RNF175: variants seen among roughly 807,000 people sequenced by gnomAD.
RNF175 encodes ring finger protein 175.
A neutral mutation model predicts 50.0 loss-of-function variants in RNF175; 38 were observed. The ratio of observed to expected loss-of-function variants is 0.76; its 90% CI spans 0.59 to 1.00. The LOEUF (loss-of-function observed/expected upper bound fraction) is 1.00, where lower values mean the gene tolerates loss of function less well. Among genes scored for constraint, RNF175 ranks in the 50% least tolerant of loss-of-function variants. The probability of loss-of-function intolerance (pLI) is 0.00; values close to 1 mark genes in which losing one functional copy is unlikely to be tolerated. For missense variants in RNF175, 388 were observed against 409.6 expected (o/e 0.95, Z 0.46); for synonymous variants, 155 against 146.1 (o/e 1.06, Z -0.44).
intron 3 of RNF175, among the ~76,000 whole-genome samples, chr4:153,742,709 G>A (rs1435788963): frequency 6.6e-6 from 1 of 151,988 alleles, no homozygotes; most frequent in Non-Finnish European, 1.5e-5. Flanking sequence ...ATTTCACAAA[G>A]GGGATAAAAA....
At chr4:153,718,230 G>GTTTTTTTTTTTTTTTTTTTT (rs1272804247) in intron 6 of RNF175, among the ~76,000 whole-genome samples, 4 of 31,864 alleles carry the variant, frequency 1.3e-4, no homozygotes, top group African/African-American at 3.3e-4. Context: ...TTGTTTGTTT[G>GTTTTTTTTTTTTTTTTTTTT]TTTGTTTGTT....
chr4:153,722,971 C>A (rs1447046478), intron 5 of RNF175, among the ~76,000 whole-genome samples: 1 of 152,048 alleles, frequency 6.6e-6, no homozygotes, highest in Non-Finnish European at 1.5e-5. Flanking sequence ...TACTGGACAA[C>A]ATAATTCTAG....
chr4:153,758,613 G>A (rs2127173581), intron 1 of RNF175, among the ~76,000 whole-genome samples: 1 of 152,232 alleles, frequency 6.6e-6, no homozygotes, highest in African/African-American at 2.4e-5. Flanking sequence ...GAAAGTCATG[G>A]AGTTTCATTT....
At position 153,712,470 on chromosome 4, in the gene RNF175, G is replaced by A. The variant is rs750117694; in HGVS notation, c.866+5C>T. ...CTCTTATAACCTTTTTGTTTTAAAG[G>A]ATATGGATTACTGATCATCCTCTTC... On this transcript the variant is annotated splice_donor_5th_base_variant and intron_variant, in intron 8 of 8. Transcript: ENST00000347063. 22 of 1,510,076 alleles carry A rather than the reference G, an allele frequency of 1.5e-5. No individual in the cohort carries two copies. The highest frequency in any genetic ancestry group is 1.4e-4 in the Admixed American group (8 of 59,124). 93.5% of individuals were successfully genotyped at this position (1,510,076 alleles called of 1,614,324 possible).
At chr4:153,749,297 G>C (rs1334956421) in intron 2 of RNF175, among the ~76,000 whole-genome samples, 1 of 152,176 alleles carries the variant, frequency 6.6e-6, no homozygotes, top group African/African-American at 2.4e-5. Flanking sequence ...GTCTATATAA[G>C]GAATAATTAT....
At chr4:153,748,867 A>G (rs2127157735) in intron 2 of RNF175, 81 bp from the exon 3 acceptor site, 1 of 1,360,002 alleles carries the variant, frequency 7.4e-7, no homozygotes, top group African/African-American at 1.5e-5. Flanking sequence ...CAAAAAACAA[A>G]AAAACAAAAA....
At chr4:153,719,807 C>T (rs1018950165) in intron 6 of RNF175, among the ~76,000 whole-genome samples, 7 of 152,116 alleles carry the variant, frequency 4.6e-5, no homozygotes, top group African/African-American at 1.7e-4. Flanking sequence ...TTTTTATTTG[C>T]ATTAGGCAGG....
chr4:153,737,127 G>A (rs1739395255), intron 3 of RNF175, among the ~76,000 whole-genome samples: 1 of 152,092 alleles, frequency 6.6e-6, no homozygotes, highest in South Asian at 2.1e-4. Flanking sequence ...CCAAGTGCTG[G>A]GATGACAGGT....
chr4:153,750,029 G>A (rs1157971559), intron 2 of RNF175, among the ~76,000 whole-genome samples: 1 of 152,122 alleles, frequency 6.6e-6, no homozygotes, highest in Non-Finnish European at 1.5e-5. Flanking sequence ...TGATTTTAAG[G>A]GGCAGCCAAG....
chr4:153,748,433 C>T, intron 3 of RNF175: 1 of 447,810 alleles, frequency 2.2e-6, no homozygotes, highest in Non-Finnish European at 3.9e-6. Context: ...CTCCCCTCCC[C>T]CTTTTCACCC....
chr4:153,750,464 T>C (rs991846214), intron 2 of RNF175, among the ~76,000 whole-genome samples: 2 of 152,180 alleles, frequency 1.3e-5, no homozygotes, highest in Admixed American at 6.5e-5. Flanking sequence ...ACTGCTCAAG[T>C]TCAGTTTCTT....
At chr4:153,711,899 CT>C (rs1560764284) in intron 8 of RNF175, among the ~76,000 whole-genome samples, 3 of 152,078 alleles carry the variant, frequency 2.0e-5, no homozygotes, top group African/African-American at 7.2e-5. Flanking sequence ...CTCTGTAAAT[CT>C]TTATTTATTT....
chr4:153,718,072 G>A (rs962231738), intron 6 of RNF175, among the ~76,000 whole-genome samples: 3 of 151,868 alleles, frequency 2.0e-5, no homozygotes, highest in South Asian at 2.1e-4. Context: ...CTATAGTTGC[G>A]CCTTTTCTAA....
intron 8 of RNF175, among the ~76,000 whole-genome samples, chr4:153,711,333 A>G (rs1737561242): frequency 6.6e-6 from 1 of 152,000 alleles, no homozygotes; most frequent in African/African-American, 2.4e-5. Flanking sequence ...GCACTGACTC[A>G]CCGAGAAAGG....
intron 4 of RNF175, among the ~76,000 whole-genome samples, chr4:153,724,053 T>C (rs939002461): frequency 3.3e-5 from 5 of 152,160 alleles, no homozygotes; most frequent in African/African-American, 1.2e-4. Flanking sequence ...TTCCTTCTGC[T>C]GTGTGGAAGG....
chr4:153,748,642 C>T lies in RNF175; in HGVS notation c.246+3G>A, dbSNP rs1452605956. 4.4e-6 allele frequency: 7 copies of T among 1,580,676 alleles called. No homozygotes were observed. The Admixed American group carries it at 5.4e-5, about 12-fold the overall frequency. On this transcript the variant is annotated splice_donor_region_variant and intron_variant, in intron 3 of 8. Transcript: ENST00000347063. ...GCTCCCAGCAGCCACGGGGATGACT[C>T]ACATTGTAGGATCGGCCATGCCTCT...
rs541270515 is a variant in RNF175 at position 153,719,493 on chromosome 4, A to C, written c.630+691T>G. Among the ~76,000 whole-genome samples the C allele has an allele frequency of 3.7e-4, 57 of 152,328 alleles. 1 individual carries two copies. In the South Asian group the frequency reaches 8.5e-3, roughly 23 times the overall value. On this transcript the variant is annotated intron_variant, in intron 6 of 8. Transcript: ENST00000347063. Reference sequence around the variant, plus strand: ...GTCATCCCTAGAGCCTTTAGTTTGTAAGTTTTTAAGATATGCAAGAGTCAG... The same window carrying C: ...GTCATCCCTAGAGCCTTTAGTTTGTCAGTTTTTAAGATATGCAAGAGTCAG...
chr4:153,715,244 C>A, intron 7 of RNF175: 1 of 446,776 alleles, frequency 2.2e-6, no homozygotes, highest in East Asian at 4.7e-5. Flanking sequence ...TGACTTCAAC[C>A]AATTTCCCCT....
intron 3 of RNF175, among the ~76,000 whole-genome samples, chr4:153,736,373 G>A (rs1739352844): frequency 6.6e-6 from 1 of 152,156 alleles, no homozygotes; most frequent in Non-Finnish European, 1.5e-5. Flanking sequence ...CTAATATTTT[G>A]ATGAAGATTT....
Sources: gnomAD v4.1 joint callset for allele counts (sites outside exome capture counted in the v4.1 genomes callset) on GRCh38, gnomAD v4.1.1 for gene constraint, MANE v1.5 for transcripts, NCBI Gene and HGNC (gene_info 2026-07-23, HGNC 2026-07-21) for gene names.